The following PIK3C2G variants were observed in gnomAD, a reference collection of about 807,000 sequenced individuals.
PIK3C2G encodes the protein phosphatidylinositol 3-kinase C2 domain-containing subunit gamma.
Under a neutral mutation model 181.1 loss-of-function variants are expected in PIK3C2G, and 168 were observed. That is an observed-to-expected ratio of 0.93 (90% CI 0.82 to 1.05). The LOEUF is 1.05. Among genes scored for constraint, PIK3C2G ranks in the 50% least tolerant of loss-of-function variants. The probability of loss-of-function intolerance (pLI) is 0.00; values close to 1 mark genes in which losing one functional copy is unlikely to be tolerated. For missense variants in PIK3C2G, 1,869 were observed against 1,732.8 expected (o/e 1.08, Z -1.40); for synonymous variants, 573 against 592.2 (o/e 0.97, Z 0.47).
In PIK3C2G at chr12:18,559,829, G is replaced by GAA. The variant is rs1565507749; in HGVS notation, c.3591-2873_3591-2872insAA. Among the ~76,000 whole-genome samples, 112 of 54,602 alleles carry GAA rather than the reference G, an allele frequency of 2.1e-3. 3 individuals are homozygous for GAA. The highest frequency in any genetic ancestry group is 7.3e-3 in the African/African-American group (109 of 14,972). The allele number at this position is 54,602 out of a possible 152,430, so 35.8% of individuals were successfully genotyped here. A position where few individuals can be genotyped will look rare whatever the true frequency, so the allele number is the denominator to read the frequency against. On this transcript the variant is annotated intron_variant, in intron 26 of 32. Transcript: ENST00000538779. Reference sequence around the variant, plus strand: ...ATATATATATATATATATAGAGAGAGAGAGAGAGAGAGAGAGAGAGAGAGA... The same window carrying GAA: ...ATATATATATATATATATAGAGAGAGAAAGAGAGAGAGAGAGAGAGAGAGAGA...
intron 11 of PIK3C2G, among the ~76,000 whole-genome samples, chr12:18,355,223 G>C (rs1940611546): frequency 6.6e-6 from 1 of 152,186 alleles, no homozygotes; most frequent in Admixed American, 6.5e-5. Flanking sequence ...GGGAACAAAA[G>C]GTATTTCAGG....
chr12:18,454,338 G>A (rs1947517151), intron 18 of PIK3C2G, among the ~76,000 whole-genome samples: 1 of 152,100 alleles, frequency 6.6e-6, no homozygotes. Flanking sequence ...TAAATCACCT[G>A]GGGAGGAACT....
At chr12:18,484,420 A>G (rs1024245524) in intron 18 of PIK3C2G, among the ~76,000 whole-genome samples, 2 of 152,194 alleles carry the variant, frequency 1.3e-5, no homozygotes, top group African/African-American at 4.8e-5. Context: ...TTCTAAAAAT[A>G]TATACAACAT....
chr12:18,486,167 A>G (rs549152764), intron 18 of PIK3C2G, among the ~76,000 whole-genome samples: 147 of 152,298 alleles, frequency 9.7e-4, no homozygotes, highest in African/African-American at 3.4e-3. Flanking sequence ...CTCTCTACAC[A>G]TTGAGTAAAA....
intron 13 of PIK3C2G, among the ~76,000 whole-genome samples, chr12:18,372,059 T>C (rs532109424): frequency 6.6e-6 from 1 of 152,282 alleles, no homozygotes; most frequent in South Asian, 2.1e-4. Flanking sequence ...TAGAAAGATA[T>C]GGTGATACAA....
At chr12:18,262,413 C>G (rs748281942) in intron 1 of PIK3C2G, among the ~76,000 whole-genome samples, 4 of 151,902 alleles carry the variant, frequency 2.6e-5, no homozygotes, top group Non-Finnish European at 5.9e-5. Flanking sequence ...GAACACATAC[C>G]CCTCATGTCA....
At chr12:18,649,533 T>C (rs1281654127), downstream of PIK3C2G, among the ~76,000 whole-genome samples, 1 of 152,084 alleles carries the variant, frequency 6.6e-6, no homozygotes, top group African/African-American at 2.4e-5. Context: ...CCCACTTCCC[T>C]GCCAATTGCT....
At chr12:18,267,595 A>G (rs1271778694) in intron 1 of PIK3C2G, among the ~76,000 whole-genome samples, 2 of 152,068 alleles carry the variant, frequency 1.3e-5, no homozygotes, top group African/African-American at 4.8e-5. Context: ...GGTTCCTCTC[A>G]TTATTGACCT....
At chr12:18,723,479 T>A in the PIK3C2G span, 2 of 1,613,052 alleles carry the variant, frequency 1.2e-6, no homozygotes, top group Non-Finnish European at 8.5e-7. Flanking sequence ...CTGTGCGTGA[T>A]AATTCGATAA....
intron 5 of PIK3C2G, among the ~76,000 whole-genome samples, chr12:18,311,365 G>A (rs1306757604): frequency 6.6e-6 from 1 of 151,960 alleles, no homozygotes; most frequent in Non-Finnish European, 1.5e-5. Flanking sequence ...TATGTTTCAT[G>A]TAGTATTTTA....
At chr12:18,711,926 A>G in the PIK3C2G span, among the ~76,000 whole-genome samples, 1 of 152,140 alleles carries the variant, frequency 6.6e-6, no homozygotes, top group East Asian at 1.9e-4. Flanking sequence ...TTGTTCATAT[A>G]TGATATTTGT....
At chr12:18,698,105 G>A in the PIK3C2G span, among the ~76,000 whole-genome samples, 1 of 151,452 alleles carries the variant, frequency 6.6e-6, no homozygotes, top group Non-Finnish European at 1.5e-5. Flanking sequence ...AAGGAACAGA[G>A]ACCAGTAAAG....
intron 24 of PIK3C2G, among the ~76,000 whole-genome samples, chr12:18,532,749 C>T (rs1025418460): frequency 6.6e-6 from 1 of 152,124 alleles, no homozygotes; most frequent in African/African-American, 2.4e-5. Flanking sequence ...GATTGAAGTG[C>T]CACATCACAG....
the PIK3C2G span, chr12:18,684,025 C>T: frequency 7.6e-7 from 1 of 1,321,398 alleles, no homozygotes; most frequent in Non-Finnish European, 1.1e-6. Context: ...ATTTCCTTTA[C>T]ATCCTACTTT....
At chr12:18,491,810 T>C (rs1940598614) in intron 20 of PIK3C2G, among the ~76,000 whole-genome samples, 1 of 149,576 alleles carries the variant, frequency 6.7e-6, no homozygotes, top group Admixed American at 6.7e-5. Context: ...AAAAAAAAAA[T>C]AGAGGAACAT....
At chr12:18,611,969 C>T (rs544819662) in intron 31 of PIK3C2G, among the ~76,000 whole-genome samples, 3 of 152,200 alleles carry the variant, frequency 2.0e-5, no homozygotes, top group African/African-American at 7.2e-5. Flanking sequence ...AAGTCAGATC[C>T]TGTCATTCCT....
chr12:18,600,347 A>G (rs1947640426), intron 30 of PIK3C2G, among the ~76,000 whole-genome samples: 1 of 152,060 alleles, frequency 6.6e-6, no homozygotes, highest in Non-Finnish European at 1.5e-5. Flanking sequence ...AAAAATTTGC[A>G]AAATTTCTAA....
At chr12:18,348,329 C>CGTGT (rs374919705) in intron 11 of PIK3C2G, among the ~76,000 whole-genome samples, 57 of 148,806 alleles carry the variant, frequency 3.8e-4, no homozygotes, top group African/African-American at 1.4e-3. Flanking sequence ...TGCATTTACG[C>CGTGT]GTGTGTGTGT....
chr12:18,719,414 A>T, the PIK3C2G span: 3 of 1,372,268 alleles, frequency 2.2e-6, no homozygotes, highest in Non-Finnish European at 2.9e-6. Context: ...TAATAGATTT[A>T]AAAATAAAAT....
Sources: allele counts gnomAD v4.1 joint callset (sites outside exome capture counted in the v4.1 genomes callset), GRCh38; gene constraint gnomAD v4.1.1; transcripts MANE v1.5; gene names NCBI Gene and HGNC (gene_info 2026-07-23, HGNC 2026-07-21).